The following BAZ2B variants were observed in gnomAD, a reference collection of about 807,000 sequenced individuals.
BAZ2B encodes bromodomain adjacent to zinc finger domain protein 2B.
A neutral mutation model predicts 246.0 loss-of-function variants in BAZ2B; 91 were observed. The observed-to-expected ratio is 0.37, with a 90% CI of 0.31 to 0.44. The LOEUF (loss-of-function observed/expected upper bound fraction) is 0.44. Ranked by LOEUF, BAZ2B falls within the 20% of genes least tolerant of loss-of-function variation. The probability of loss-of-function intolerance (pLI) is 1.00; values close to 1 mark genes in which losing one functional copy is unlikely to be tolerated. For synonymous variants in BAZ2B, 855 were observed against 860.0 expected (o/e 0.99, Z 0.10); for missense variants, 2,332 against 2,533.7 (o/e 0.92, Z 1.71).
chr2:159,673,192 T>C, the BAZ2B span, among the ~76,000 whole-genome samples: 4 of 150,742 alleles, frequency 2.7e-5, no homozygotes, highest in East Asian at 1.9e-4. Flanking sequence ...AATAGAAAAA[T>C]AGGCAAAAAA....
the BAZ2B span, among the ~76,000 whole-genome samples, chr2:159,697,819 T>C: frequency 3.9e-5 from 6 of 152,178 alleles, no homozygotes; most frequent in Non-Finnish European, 8.8e-5. Context: ...CATGACAATA[T>C]TTTTATTGTC....
At chr2:159,458,357 G>A (rs976778579) in intron 3 of BAZ2B, 2 of 145,992 alleles carry the variant, frequency 1.4e-5, no homozygotes, top group Non-Finnish European at 3.0e-5. Flanking sequence ...ACGGAGTCTC[G>A]CTCTATTGCT....
At chr2:159,392,498 T>A (rs2063471586) in intron 20 of BAZ2B, among the ~76,000 whole-genome samples, 2 of 152,120 alleles carry the variant, frequency 1.3e-5, no homozygotes, top group African/African-American at 4.8e-5. Flanking sequence ...ATAAGCCTCT[T>A]CTAGAGGGCA....
intron 1 of BAZ2B, among the ~76,000 whole-genome samples, chr2:159,589,301 A>G (rs1296577704): frequency 1.3e-5 from 2 of 152,108 alleles, no homozygotes; most frequent in Non-Finnish European, 2.9e-5. Flanking sequence ...AATGAAGTAG[A>G]TTTATAAATT....
At chr2:159,371,130 G>T (rs950000097) in intron 27 of BAZ2B, among the ~76,000 whole-genome samples, 1 of 151,622 alleles carries the variant, frequency 6.6e-6, no homozygotes, top group Non-Finnish European at 1.5e-5. Context: ...TTTTTGTTAT[G>T]TATGTATATA....
the BAZ2B span, among the ~76,000 whole-genome samples, chr2:159,628,368 C>A: frequency 6.6e-6 from 1 of 152,172 alleles, no homozygotes; most frequent in Non-Finnish European, 1.5e-5. Flanking sequence ...CCAAGACAAT[C>A]CTAAGCAAAA....
the BAZ2B span, among the ~76,000 whole-genome samples, chr2:159,648,041 T>C: frequency 6.6e-6 from 1 of 152,192 alleles, no homozygotes; most frequent in African/African-American, 2.4e-5. Context: ...CACGTATGTA[T>C]ATACTTGTGG....
chr2:159,464,671 C>A (rs1025217080), intron 3 of BAZ2B: 1 of 152,116 alleles, frequency 6.6e-6, no homozygotes, highest in East Asian at 1.9e-4. Flanking sequence ...GCCGAATAAG[C>A]TTTGTTCAAG....
At chr2:159,531,200 C>G (rs2085344366) in intron 2 of BAZ2B, among the ~76,000 whole-genome samples, 1 of 152,070 alleles carries the variant, frequency 6.6e-6, no homozygotes, top group Non-Finnish European at 1.5e-5. Flanking sequence ...CATAAACTAG[C>G]TAAGTAGTCT....
intron 24 of BAZ2B, 54 bp from the exon 25 acceptor site, chr2:159,382,856 T>C: frequency 6.3e-7 from 1 of 1,575,688 alleles, no homozygotes; most frequent in Non-Finnish European, 8.6e-7. Flanking sequence ...TCAATATACT[T>C]TTAAAAGAGC....
At position 159,320,101 on chromosome 2, in the gene BAZ2B, GA is replaced by G. The variant is rs1355213686; in HGVS notation, c.*163del. On this transcript the variant is annotated 3_prime_UTR_variant, in exon 37 of 37. Coordinates refer to ENST00000392783, the MANE Select transcript of BAZ2B (RefSeq NM_013450.4). ...CGAGGGCCTTGGTTGTTGTAGGAAT[GA>G]AGCCTTTAAAAATGGTATCATTCTT... is the stretch of plus-strand genomic sequence containing the variant. 1 of 607,884 alleles carries G rather than the reference GA, an allele frequency of 1.6e-6. No homozygotes were observed. Among genetic ancestry groups the G allele is most frequent in the African/African-American group, 2.0e-5 (1 of 51,234 alleles). 37.7% of individuals were successfully genotyped at this position (607,884 alleles called of 1,614,324 possible).
intron 2 of BAZ2B, among the ~76,000 whole-genome samples, chr2:159,542,823 A>C (rs2086819017): frequency 7.7e-6 from 1 of 130,564 alleles, no homozygotes; most frequent in Non-Finnish European, 1.8e-5. Flanking sequence ...AATAAAACAG[A>C]AATTAAGACC....
rs778157952 is a variant in BAZ2B at position 159,382,749 on chromosome 2, A to G, written c.3815T>C (p.Ile1272Thr). The change falls in exon 25 of 37, where the codon ATT (isoleucine) becomes ACT (threonine). Residue 1272 changes from isoleucine to threonine, a missense_variant. By Grantham distance (89) the Ile-to-Thr change is moderately conservative. Around this residue, in one of 9 missense-constraint regions of BAZ2B, gnomAD observed 328 missense variants for 410.4 expected, o/e 0.80. Transcript: ENST00000392783. ...GGGATGCTGCTCTTCTCCCAGATCA[A>G]TGCCACCTGAAGTGTCTCTTTTGCC... Reference protein sequence around the residue: ...KTGKRDTSGGIDLGEEQHPLG... With the variant: ...KTGKRDTSGGTDLGEEQHPLG... 13 of 1,613,752 alleles carry G rather than the reference A, an allele frequency of 8.1e-6. No homozygotes were observed. The South Asian group carries it at 8.8e-5, about 11-fold the overall frequency.
the BAZ2B span, among the ~76,000 whole-genome samples, chr2:159,623,680 T>C: frequency 6.6e-6 from 1 of 152,250 alleles, no homozygotes; most frequent in African/African-American, 2.4e-5. Flanking sequence ...AATTTGGCAG[T>C]ATGTAACAAA....
the BAZ2B span, among the ~76,000 whole-genome samples, chr2:159,642,065 C>T: frequency 2.6e-5 from 4 of 151,958 alleles, no homozygotes; most frequent in African/African-American, 9.7e-5. Flanking sequence ...TGCTCAAGTT[C>T]TATTAAGATC....
At chr2:159,617,870 G>T (rs1696253129), upstream of BAZ2B, among the ~76,000 whole-genome samples, 1 of 152,152 alleles carries the variant, frequency 6.6e-6, no homozygotes, top group South Asian at 2.1e-4. Context: ...CAAGTACAAT[G>T]ATTGCAATGC....
chr2:159,426,684 A>G (rs1202136352), intron 13 of BAZ2B, among the ~76,000 whole-genome samples: 1 of 152,156 alleles, frequency 6.6e-6, no homozygotes, highest in Non-Finnish European at 1.5e-5. Context: ...ATGGACTACA[A>G]TAGAAAATAG....
At chr2:159,687,215 C>G in the BAZ2B span, among the ~76,000 whole-genome samples, 3 of 152,068 alleles carry the variant, frequency 2.0e-5, no homozygotes, top group African/African-American at 7.2e-5. Flanking sequence ...TTATAAAACT[C>G]TGGAAGCTTC....
chr2:159,329,051 A>C (rs10172494), intron 34 of BAZ2B, among the ~76,000 whole-genome samples: 143,464 of 151,334 alleles, frequency 0.95, 68,434 homozygotes, highest in East Asian at 1. Context: ...TCGCTTGAAC[A>C]CGGGAGGTGG....
Sources: allele counts gnomAD v4.1 joint callset (sites outside exome capture counted in the v4.1 genomes callset), GRCh38; gene constraint gnomAD v4.1.1; regional missense constraint gnomAD v4.1.1; transcripts MANE v1.5; gene names NCBI Gene and HGNC (gene_info 2026-07-23, HGNC 2026-07-21).